CDH7: variants seen among roughly 807,000 people sequenced by gnomAD.
The protein encoded by CDH7 is cadherin 7.
Under a neutral mutation model 71.8 loss-of-function variants are expected in CDH7, and 25 were observed. The ratio of observed to expected loss-of-function variants is 0.35; its 90% CI spans 0.25 to 0.49. The LOEUF (loss-of-function observed/expected upper bound fraction) is 0.49, where lower values mean the gene tolerates loss of function less well. Ranked by LOEUF, CDH7 falls within the 20% of genes least tolerant of loss-of-function variation. The probability of loss-of-function intolerance (pLI) is 0.99; values close to 1 mark genes in which losing one functional copy is unlikely to be tolerated. For missense variants in CDH7, 862 were observed against 974.6 expected (o/e 0.88, Z 1.54); for synonymous variants, 381 against 363.8 (o/e 1.05, Z -0.54).
intron 7 of CDH7, 65 bp downstream of exon 7, chr18:65,844,130 A>G: frequency 1.5e-6 from 2 of 1,362,926 alleles, no homozygotes; most frequent in Non-Finnish European, 2.0e-6. Flanking sequence ...CACAACTCTT[A>G]TTTTACGCTC....
intron 2 of CDH7, among the ~76,000 whole-genome samples, chr18:65,793,183 TA>T (rs1365398921): frequency 5.3e-5 from 8 of 152,150 alleles, no homozygotes; most frequent in African/African-American, 1.9e-4. Flanking sequence ...CTCACACCTG[TA>T]ATCTCAGCAC....
At position 65,870,444 on chromosome 18, in the gene CDH7, T is replaced by C. The variant is rs528326344; in HGVS notation, c.1864+7527T>C. Among the ~76,000 whole-genome samples, 13 of 152,244 alleles carry C rather than the reference T, an allele frequency of 8.5e-5. No individual in the cohort carries two copies. The East Asian group carries it at 2.5e-3, about 29-fold the overall frequency. ...TCCTGCATTTTTCCTATCACTTTCC[T>C]TTTTAAGACATAAATTATTTTACGT... On this transcript the variant is annotated intron_variant, in intron 11 of 11. Coordinates refer to ENST00000397968, the MANE Select transcript of CDH7 (RefSeq NM_004361.5).
chr18:65,823,543 C>T (rs192060547), intron 5 of CDH7, among the ~76,000 whole-genome samples: 14 of 151,734 alleles, frequency 9.2e-5, no homozygotes, highest in Admixed American at 7.9e-4. Context: ...TTTTCTCTAC[C>T]GTTGAATCAC....
chr18:65,768,693 G>A (rs942095705), intron 2 of CDH7, among the ~76,000 whole-genome samples: 8 of 152,100 alleles, frequency 5.3e-5, no homozygotes, highest in Non-Finnish European at 1.2e-4. Flanking sequence ...CAGGATAAAC[G>A]ACAGAATTAG....
At chr18:65,857,775 G>A (rs375236589) in intron 7 of CDH7, 41 bp from the exon 8 acceptor site, 96 of 1,591,256 alleles carry the variant, frequency 6.0e-5, no homozygotes, top group Non-Finnish European at 7.5e-5. Flanking sequence ...ATAATCAAAC[G>A]TACATGTTGA....
intron 7 of CDH7, among the ~76,000 whole-genome samples, chr18:65,845,185 ATATATG>A (rs1912893216): frequency 6.6e-6 from 1 of 151,634 alleles, no homozygotes; most frequent in African/African-American, 2.4e-5. Context: ...ATATACATAC[ATATATG>A]TATATGTGTA....
chr18:65,873,742 T>C (rs988025278), intron 11 of CDH7, among the ~76,000 whole-genome samples: 8 of 152,154 alleles, frequency 5.3e-5, no homozygotes, highest in Admixed American at 1.3e-4. Flanking sequence ...TAAGAGACCA[T>C]ATAGATGATG....
At chr18:65,754,640 C>G (rs907229080) in intron 1 of CDH7, among the ~76,000 whole-genome samples, 6 of 151,958 alleles carry the variant, frequency 3.9e-5, no homozygotes, top group Non-Finnish European at 8.8e-5. Flanking sequence ...GATTATAATG[C>G]GAATATCAGC....
intron 1 of CDH7, among the ~76,000 whole-genome samples, chr18:65,756,488 A>C (rs1916033214): frequency 6.6e-6 from 1 of 152,226 alleles, no homozygotes; most frequent in Admixed American, 6.5e-5. Context: ...AGTTTTTAAA[A>C]GAGAGGCATA....
chr18:65,791,895 A>C (rs773264409), intron 2 of CDH7, among the ~76,000 whole-genome samples: 4 of 151,908 alleles, frequency 2.6e-5, no homozygotes, highest in African/African-American at 7.2e-5. Flanking sequence ...GTATTCTCCA[A>C]TCATCCTTAT....
chr18:65,871,303 T>C (rs1192512752), intron 11 of CDH7, among the ~76,000 whole-genome samples: 7 of 152,200 alleles, frequency 4.6e-5, no homozygotes, highest in African/African-American at 1.4e-4. Context: ...AGACACTCAC[T>C]TAATCTTCAT....
In CDH7 at chr18:65,881,408, C is replaced by T. The variant is rs1914227926; in HGVS notation, c.*514C>T. ...TAGAATCCAACAGAATTATGTTGCT[C>T]TTGATTAACAGAAATATTTTATTTA... On this transcript the variant is annotated 3_prime_UTR_variant, in exon 12 of 12. Coordinates refer to ENST00000397968, the MANE Select transcript of CDH7 (RefSeq NM_004361.5). The T allele has an allele frequency of 6.6e-6, 1 of 152,124 alleles. No homozygotes were observed. The highest frequency in any genetic ancestry group is 6.5e-5 in the Admixed American group (1 of 15,268). The allele number at this position is 152,124 out of a possible 1,614,324, so 9.4% of individuals were successfully genotyped here.
At chr18:65,761,235 A>G (rs1336242097) in intron 1 of CDH7, among the ~76,000 whole-genome samples, 3 of 152,274 alleles carry the variant, frequency 2.0e-5, no homozygotes, top group Non-Finnish European at 4.4e-5. Context: ...GTATGCATTC[A>G]TTTTAACAGT....
At chr18:65,823,433 T>C (rs1421220385) in intron 5 of CDH7, among the ~76,000 whole-genome samples, 1 of 151,894 alleles carries the variant, frequency 6.6e-6, no homozygotes, top group Non-Finnish European at 1.5e-5. Context: ...ATGTAGAATT[T>C]TAGTAGGATA....
chr18:65,759,806 T>C (rs975138767), intron 1 of CDH7, among the ~76,000 whole-genome samples: 7 of 152,212 alleles, frequency 4.6e-5, no homozygotes, highest in African/African-American at 1.7e-4. Flanking sequence ...CCAGACTGTG[T>C]GCTTCGTTCC....
chr18:65,795,011 A>G (rs575043214), intron 2 of CDH7, among the ~76,000 whole-genome samples: 6 of 152,322 alleles, frequency 3.9e-5, no homozygotes, highest in Admixed American at 1.3e-4. Flanking sequence ...CAATTTGTGA[A>G]GTGGAGTGAA....
At chr18:65,824,476 C>T (rs1912050804) in intron 5 of CDH7, among the ~76,000 whole-genome samples, 168 bp from the exon 6 acceptor site, 1 of 151,848 alleles carries the variant, frequency 6.6e-6, no homozygotes, top group Non-Finnish European at 1.5e-5. Flanking sequence ...TCCCATCATA[C>T]CTCTTAAGGC....
chr18:65,771,219 C>T (rs1916532626), intron 2 of CDH7, among the ~76,000 whole-genome samples: 1 of 152,124 alleles, frequency 6.6e-6, no homozygotes, highest in African/African-American at 2.4e-5. Context: ...GGTCACGACT[C>T]AGTTCATAGC....
Position 65,884,255 on chromosome 18 carries a change from T to A in CDH7, c.*3361T>A, listed in dbSNP as rs1201722699. On this transcript the variant is annotated 3_prime_UTR_variant, in exon 12 of 12. Transcript: ENST00000397968. ...TTCACAAATTAGTCTCTGAAAGAAATATTCCAAGATCAGCCAGCTAAGGAA... is the reference window on the plus strand; with the variant it reads ...TTCACAAATTAGTCTCTGAAAGAAAAATTCCAAGATCAGCCAGCTAAGGAA... 1.3e-5 allele frequency: 2 copies of A among 152,102 alleles called. No homozygotes were observed. Among genetic ancestry groups the A allele is most frequent in the Non-Finnish European group, 2.9e-5 (2 of 67,982 alleles). The allele number at this position is 152,102 out of a possible 1,614,324, so 9.4% of individuals were successfully genotyped here.
Sources: allele counts gnomAD v4.1 joint callset (sites outside exome capture counted in the v4.1 genomes callset), GRCh38; gene constraint gnomAD v4.1.1; transcripts MANE v1.5; gene names NCBI Gene and HGNC (gene_info 2026-07-23, HGNC 2026-07-21).